The following ADCY10 variants were observed in gnomAD, a reference collection of about 807,000 sequenced individuals.
ADCY10 encodes adenylate cyclase type 10.
A neutral mutation model predicts 183.3 loss-of-function variants in ADCY10; 156 were observed. The ratio of observed to expected loss-of-function variants is 0.85; its 90% CI spans 0.75 to 0.97. The LOEUF (loss-of-function observed/expected upper bound fraction) is 0.97. ADCY10 is among the 50% of genes least tolerant of loss of function. The probability of loss-of-function intolerance (pLI) is 0.00; values close to 1 mark genes in which losing one functional copy is unlikely to be tolerated. For missense variants in ADCY10, 1,745 were observed against 1,934.3 expected, an observed-to-expected ratio of 0.90 and a Z score of 1.84; for synonymous variants, 645 against 670.0, an observed-to-expected ratio of 0.96 and a Z score of 0.58.
chr1:167,877,087 C>T (rs203834), intron 12 of ADCY10, among the ~76,000 whole-genome samples: 50,191 of 151,448 alleles, frequency 0.33, 9,386 homozygotes, highest in African/African-American at 0.5. Flanking sequence ...TATTTTTGCA[C>T]ACCACTGAAG....
At chr1:167,905,258 C>A in intron 1 of ADCY10, 60 bp from the exon 2 acceptor site, 1 of 1,253,496 alleles carries the variant, frequency 8.0e-7, no homozygotes. Flanking sequence ...TTTCCTATTG[C>A]TCTTTCTCCA....
In ADCY10 at chr1:167,853,132, G is replaced by A. The variant is rs574680447; in HGVS notation, c.2308+1221C>T. ...ACACTGATCTCACACCTATATTCTT[G>A]TCTTTAAATTTAGTCGCAGAGGAAT... On this transcript the variant is annotated intron_variant, in intron 18 of 32. Coordinates refer to ENST00000367851, the MANE Select transcript of ADCY10 (RefSeq NM_018417.6). Among the ~76,000 whole-genome samples the A allele has an allele frequency of 5.3e-5, 8 of 152,112 alleles. No homozygotes were observed. The South Asian group carries it at 1.0e-3, about 20-fold the overall frequency.
intron 3 of ADCY10, 111 bp downstream of exon 3, chr1:167,903,776 G>T: frequency 5.2e-6 from 4 of 772,856 alleles, no homozygotes; most frequent in East Asian, 5.1e-5. Flanking sequence ...ACATTTCATG[G>T]GGAAGAGGAG....
At chr1:167,860,019 C>A in intron 15 of ADCY10, 126 bp from the exon 16 acceptor site, 2 of 777,912 alleles carry the variant, frequency 2.6e-6, no homozygotes, top group Non-Finnish European at 4.4e-6. Context: ...GATAAGTGGT[C>A]CCAACCTTTT....
rs1369916797 is a variant in ADCY10, at chr1:167,854,484, A to G, written c.2177T>C (p.Leu726Pro). Residue 726 changes from leucine (L) to proline (P), a missense_variant, in exon 18 of 33, where the codon CTG becomes CCG. Physicochemically the swap from Leu to Pro is moderately conservative, Grantham distance 98 (BLOSUM62 -3). Transcript: ENST00000367851. ...SCISKELDSY[L>P]GEGSCGIPFY... ...TGGAATCCCACAGCTTCCCTCCCCC[A>G]GGTACCTGTAGTGAAAACAAGGCAA... 3 of 1,614,030 alleles carry G rather than the reference A, an allele frequency of 1.9e-6. No homozygotes were observed. Among genetic ancestry groups the G allele is most frequent in the African/African-American group, 2.7e-5 (2 of 74,924 alleles).
At chr1:167,872,438 G>T (rs545029067) in intron 13 of ADCY10, among the ~76,000 whole-genome samples, 1 of 151,590 alleles carries the variant, frequency 6.6e-6, no homozygotes, top group Admixed American at 6.6e-5. Context: ...ACACCTACTG[G>T]TAGAACCTTA....
intron 30 of ADCY10, among the ~76,000 whole-genome samples, 188 bp downstream of exon 30, chr1:167,821,836 T>A (rs1295926510): frequency 6.6e-6 from 1 of 152,198 alleles, no homozygotes; most frequent in Admixed American, 6.5e-5. Context: ...AAATTTACTT[T>A]TCTGTCCTTG....
At position 167,859,831 on chromosome 1, in the gene ADCY10, T is replaced by A. The variant is rs567573967; in HGVS notation, c.1872A>T (p.Ile624=). ...CCAGCTTCAAGATCTTCATAAACAATATTTCCAATTGTTTTTGCTTTTTCA... is the reference window on the plus strand; with the variant it reads ...CCAGCTTCAAGATCTTCATAAACAAAATTTCCAATTGTTTTTGCTTTTTCA... ...STLKKQKQLE[I]LFMKILKLIV... Residue 624 remains isoleucine (I), a synonymous_variant, in exon 16 of 33, where the codon ATA becomes ATT. Transcript: ENST00000367851. 1 of 1,613,652 alleles carries A rather than the reference T, an allele frequency of 6.2e-7. No individual in the cohort carries two copies. The highest frequency in any genetic ancestry group is 2.2e-5 in the East Asian group (1 of 44,864).
At chr1:167,888,928 T>C (rs1668423213) in intron 8 of ADCY10, among the ~76,000 whole-genome samples, 1 of 151,478 alleles carries the variant, frequency 6.6e-6, no homozygotes, top group Non-Finnish European at 1.5e-5. Flanking sequence ...TTTTGTATGA[T>C]GATTTTGTAT....
intron 26 of ADCY10, among the ~76,000 whole-genome samples, chr1:167,827,227 G>A (rs1663360853): frequency 6.6e-6 from 1 of 151,888 alleles, no homozygotes; most frequent in African/African-American, 2.4e-5. Context: ...GAGTGCAGTG[G>A]AGTGATCTCT....
intron 12 of ADCY10, 105 bp from the exon 13 acceptor site, chr1:167,875,291 A>G: frequency 8.7e-7 from 1 of 1,146,060 alleles, no homozygotes; most frequent in East Asian, 2.4e-5. Context: ...CTCAATTGCT[A>G]ACAAGAGTCT....
chr1:167,878,647 A>T lies in ADCY10; in HGVS notation c.1217-12T>A. The T allele has an allele frequency of 6.2e-7, 1 of 1,612,822 alleles. No individual in the cohort carries two copies. The highest frequency in any genetic ancestry group is 1.1e-5 in the South Asian group (1 of 91,046). ...TTTTTGACCAATGACTATAGCAAGA[A>T]AGAGAAAGTCAAAGATCAGGGAAAT... On this transcript the variant is annotated splice_polypyrimidine_tract_variant and intron_variant, in intron 11 of 32. Transcript: ENST00000367851.
rs550417765 is a variant in ADCY10, at chr1:167,815,651, G to T, written c.4482+2421C>A. ...TCTGGCTATCAAGAAAAATTACAAG[G>T]CATACTAAAAGGCAAAAACATAGTT... On this transcript the variant is annotated intron_variant, in intron 31 of 32. Transcript: ENST00000367851. 2.7e-4 allele frequency among the ~76,000 whole-genome samples: 41 copies of T among 152,146 alleles called. No individual in the cohort carries two copies. In the South Asian group the frequency reaches 7.9e-3, roughly 29 times the overall value.
intron 21 of ADCY10, among the ~76,000 whole-genome samples, chr1:167,844,799 C>T (rs1664885378): frequency 6.6e-6 from 1 of 152,090 alleles, no homozygotes. Context: ...TATAGGAGTC[C>T]TCTACTTGTA....
intron 18 of ADCY10, among the ~76,000 whole-genome samples, chr1:167,850,436 G>A (rs1208460695): frequency 1.3e-5 from 2 of 152,140 alleles, no homozygotes; most frequent in African/African-American, 2.4e-5. Flanking sequence ...CGACACACAC[G>A]AAGGCTGAGA....
chr1:167,833,250 ATTCTTATC>A, intron 24 of ADCY10, 88 bp from the exon 25 acceptor site: 1 of 1,284,122 alleles, frequency 7.8e-7, no homozygotes. Flanking sequence ...TATTTTGGGG[ATTCTTATC>A]AAAAAAGGTA....
At chr1:167,876,858 T>C (rs755244423) in intron 12 of ADCY10, among the ~76,000 whole-genome samples, 2 of 152,192 alleles carry the variant, frequency 1.3e-5, no homozygotes, top group Admixed American at 6.5e-5. Context: ...AAAATGCTTT[T>C]GCATTGGGCC....
rs369835104 is a variant in ADCY10 at position 167,824,473 on chromosome 1, T to A, written c.4052+3A>T. ...ATTTTGGAAAATGCTTTAAGATAAA[T>A]ACCTGCTGTTCAGAAGGAGACATCT... On this transcript the variant is annotated splice_donor_region_variant and intron_variant, in intron 28 of 32. Coordinates refer to ENST00000367851, the MANE Select transcript of ADCY10 (RefSeq NM_018417.6). 8 of 1,613,306 alleles carry A rather than the reference T, an allele frequency of 5.0e-6. No homozygotes were observed. Among genetic ancestry groups the A allele is most frequent in the Non-Finnish European group, 6.8e-6 (8 of 1,179,416 alleles).
At chr1:167,837,128 A>C in intron 22 of ADCY10, 121 bp downstream of exon 22, 1 of 851,286 alleles carries the variant, frequency 1.2e-6, no homozygotes, top group Non-Finnish European at 2.0e-6. Flanking sequence ...ATACCCCCCA[A>C]AGTTTCCCAC....
Sources: allele counts gnomAD v4.1 joint callset (sites outside exome capture counted in the v4.1 genomes callset), GRCh38; gene constraint gnomAD v4.1.1; transcripts MANE v1.5; gene names NCBI Gene and HGNC (gene_info 2026-07-23, HGNC 2026-07-21).